Variants in APP observed in about 807,000 individuals in gnomAD.
APP encodes amyloid-beta precursor protein.
Under a neutral mutation model 101.4 loss-of-function variants are expected in APP, and 31 were observed. The ratio of observed to expected loss-of-function variants is 0.31; its 90% confidence interval spans 0.23 to 0.41. APP has a LOEUF of 0.41. Among genes scored for constraint, APP ranks in the 10% least tolerant of loss-of-function variants. APP has a pLI of 1.00. For missense variants in APP, 839 were observed against 1,003.7 expected, an observed-to-expected ratio of 0.84 and a Z score of 2.22; for synonymous variants, 366 against 364.4, an observed-to-expected ratio of 1.00 and a Z score of -0.05.
intron 1 of APP, among the ~76,000 whole-genome samples, chr21:26,126,319 G>T (rs2062683947): frequency 6.6e-6 from 1 of 152,184 alleles, no homozygotes; most frequent in African/African-American, 2.4e-5. Context: ...TACGTGCATG[G>T]CTGTTTCTAA....
At chr21:25,997,250 G>T in intron 8 of APP, 110 bp downstream of exon 8, 1 of 1,038,870 alleles carries the variant, frequency 9.6e-7, no homozygotes, top group Non-Finnish European at 1.5e-6. Flanking sequence ...TACTAAGACA[G>T]GTGTTCAAGA....
chr21:25,882,028 T>C, intron 17 of APP, among the ~76,000 whole-genome samples: 1 of 152,106 alleles, frequency 6.6e-6, no homozygotes, highest in Non-Finnish European at 1.5e-5. Flanking sequence ...TGGTTGTTTC[T>C]GGTTCCCCAA....
chr21:26,088,968 T>G (rs1466481508), intron 3 of APP, among the ~76,000 whole-genome samples: 1 of 152,236 alleles, frequency 6.6e-6, no homozygotes, highest in African/African-American at 2.4e-5. Flanking sequence ...CTTAGGACAT[T>G]CATTTTTGAC....
intron 16 of APP, among the ~76,000 whole-genome samples, chr21:25,895,197 G>C (rs906519549): frequency 6.8e-6 from 1 of 146,402 alleles, no homozygotes; most frequent in Non-Finnish European, 1.5e-5. Context: ...TTTTGAGACA[G>C]AGTCTTGCTC....
At chr21:25,904,881 TAA>T in intron 15 of APP, 141 bp downstream of exon 15, 1 of 742,760 alleles carries the variant, frequency 1.3e-6, no homozygotes, top group South Asian at 1.5e-5. Flanking sequence ...GGGGAATTTT[TAA>T]AAGTTTGGTT....
chr21:26,084,292 G>C (rs1368787940), intron 3 of APP, among the ~76,000 whole-genome samples: 1 of 139,596 alleles, frequency 7.2e-6, no homozygotes. Flanking sequence ...AGGCTGGAGC[G>C]CAGTGGCGCG....
chr21:26,002,574 A>T (rs912338637), intron 6 of APP, among the ~76,000 whole-genome samples: 1 of 152,224 alleles, frequency 6.6e-6, no homozygotes, highest in East Asian at 1.9e-4. Flanking sequence ...TTACTCAGGC[A>T]GTGTTAATTC....
chr21:25,892,045 TTA>T lies in APP; in HGVS notation c.2065-179_2065-178del, dbSNP rs1491493552. Among the ~76,000 whole-genome samples, 6 of 88,490 alleles carry T rather than the reference TTA, an allele frequency of 6.8e-5. No individual in the cohort carries two copies. The South Asian group carries it at 3.3e-3, about 49-fold the overall frequency. The allele number at this position is 88,490 out of a possible 152,430, so 58.1% of individuals were successfully genotyped here. A position where few individuals can be genotyped will look rare whatever the true frequency, so the allele number is the denominator to read the frequency against. ...GTTGGTCAAATATTTGATGCTTACT[TTA>T]AAAAAAAAAAAAAAAAAAGAAATCA... On this transcript the variant is annotated intron_variant, in intron 16 of 17. Coordinates refer to ENST00000346798, the MANE Select transcript of APP (RefSeq NM_000484.4).
intron 8 of APP, among the ~76,000 whole-genome samples, chr21:25,995,401 G>A (rs1056827649): frequency 6.6e-6 from 1 of 151,560 alleles, no homozygotes; most frequent in African/African-American, 2.4e-5. Context: ...TTCACTAACC[G>A]GCAAAACAAT....
At chr21:25,884,248 C>T (rs1050343779) in intron 17 of APP, among the ~76,000 whole-genome samples, 22 of 152,184 alleles carry the variant, frequency 1.4e-4, no homozygotes, top group Admixed American at 3.9e-4. Flanking sequence ...ATCTACCACC[C>T]TGTGGCTCAG....
intron 17 of APP, among the ~76,000 whole-genome samples, chr21:25,887,294 G>A (rs1444763547): frequency 1.3e-5 from 2 of 152,124 alleles, no homozygotes; most frequent in South Asian, 2.1e-4. Context: ...ACAGGAGCAA[G>A]GTGGTTAATT....
At chr21:25,895,808 T>TACTA (rs2038003848) in intron 16 of APP, among the ~76,000 whole-genome samples, 1 of 152,234 alleles carries the variant, frequency 6.6e-6, no homozygotes, top group Non-Finnish European at 1.5e-5. Context: ...TTAGCTAATA[T>TACTA]ACTAGTGTGA....
At chr21:26,036,760 T>A (rs1381279250) in intron 5 of APP, among the ~76,000 whole-genome samples, 1 of 152,170 alleles carries the variant, frequency 6.6e-6, no homozygotes, top group Non-Finnish European at 1.5e-5. Flanking sequence ...GTACAACCAT[T>A]TGAGGATAGT....
chr21:25,973,165 A>G (rs116653604), intron 11 of APP, among the ~76,000 whole-genome samples: 1,668 of 78,018 alleles, frequency 0.021, 26 homozygotes, highest in African/African-American at 0.083. Flanking sequence ...TAATTAATCC[A>G]AAAAAAAAAG....
intron 3 of APP, among the ~76,000 whole-genome samples, chr21:26,072,659 AG>A (rs2061428695): frequency 6.6e-6 from 1 of 152,190 alleles, no homozygotes; most frequent in South Asian, 2.1e-4. Flanking sequence ...GCAAAAAAAA[AG>A]AAAGCAAAAA....
chr21:26,077,609 T>A (rs2061521622), intron 3 of APP, among the ~76,000 whole-genome samples: 1 of 152,130 alleles, frequency 6.6e-6, no homozygotes, highest in Non-Finnish European at 1.5e-5. Flanking sequence ...ACGCAGGTAA[T>A]GCATCAATGC....
chr21:25,894,254 T>A (rs1447486349), intron 16 of APP, among the ~76,000 whole-genome samples: 1 of 152,212 alleles, frequency 6.6e-6, no homozygotes, highest in Non-Finnish European at 1.5e-5. Context: ...TAACACAACA[T>A]CCATTCTGCA....
intron 8 of APP, among the ~76,000 whole-genome samples, chr21:25,984,651 A>C (rs1406017394): frequency 6.6e-6 from 1 of 152,198 alleles, no homozygotes; most frequent in Non-Finnish European, 1.5e-5. Context: ...CTTGCATTTC[A>C]AGTTCCCAAC....
chr21:26,071,037 T>C (rs1056804732), intron 3 of APP, among the ~76,000 whole-genome samples: 6 of 152,158 alleles, frequency 3.9e-5, no homozygotes, highest in African/African-American at 1.4e-4. Context: ...ATTCAAATTG[T>C]ACACACCAGG....
Sources: gnomAD v4.1 joint callset for allele counts (sites outside exome capture counted in the v4.1 genomes callset) on GRCh38, gnomAD v4.1.1 for gene constraint, MANE v1.5 for transcripts, NCBI Gene and HGNC (gene_info 2026-07-23, HGNC 2026-07-21) for gene names.